The following LRP1B variants were observed in gnomAD, a reference collection of about 807,000 sequenced individuals.
LRP1B encodes low-density lipoprotein receptor-related protein 1B.
In LRP1B, 217 loss-of-function variants were observed where a neutral mutation model predicts 556.6. That is an observed-to-expected ratio of 0.39 (90% CI 0.35 to 0.44). The LOEUF (loss-of-function observed/expected upper bound fraction) is 0.44. Ranked by LOEUF, LRP1B falls within the 20% of genes least tolerant of loss-of-function variation. LRP1B has a pLI of 1.00. For missense variants in LRP1B, 5,053 were observed against 5,620.8 expected (o/e 0.90, Z 3.23); for synonymous variants, 2,047 against 1,865.8 (o/e 1.10, Z -2.50).
rs12465825 is a variant in LRP1B, at chr2:140,930,137, A to G, written c.3137-6990T>C. On this transcript the variant is annotated intron_variant, in intron 20 of 90. Transcript: ENST00000389484. The stretch of plus-strand genomic sequence containing the variant: ...GGCTTGGCACACAATCTATCTTTGT[A>G]ATAGATAGCCGTTGGACTTGTCCCA... Among the ~76,000 whole-genome samples the G allele has an allele frequency of 2.5e-3, 386 of 152,192 alleles. 2 individuals carry two copies. The highest frequency in any genetic ancestry group is 0.02 in the Middle Eastern group (6 of 294).
chr2:141,999,767 A>G (rs1463263199), intron 1 of LRP1B, among the ~76,000 whole-genome samples: 1 of 151,922 alleles, frequency 6.6e-6, no homozygotes, highest in African/African-American at 2.4e-5. Context: ...ATCATATGAA[A>G]ACCAATTCTA....
intron 11 of LRP1B, among the ~76,000 whole-genome samples, chr2:141,020,481 T>C (rs1195965329): frequency 6.6e-6 from 1 of 152,062 alleles, no homozygotes; most frequent in African/African-American, 2.4e-5. Flanking sequence ...ATGTAGACTG[T>C]TCTGAAGAAA....
chr2:140,816,644 C>T lies in LRP1B; in HGVS notation c.5210-2838G>A, dbSNP rs561920436. On this transcript the variant is annotated intron_variant, in intron 31 of 90. Coordinates refer to ENST00000389484, the MANE Select transcript of LRP1B (RefSeq NM_018557.3). ...ATGATGCATATCACATAACTCCCTC[C>T]ATATATCTTCTTTCCTGTTAAGTAT... 8.5e-5 allele frequency among the ~76,000 whole-genome samples: 13 copies of T among 152,098 alleles called. No homozygotes were observed. In the East Asian group the frequency reaches 2.5e-3, roughly 29 times the overall value.
intron 43 of LRP1B, among the ~76,000 whole-genome samples, chr2:140,596,497 C>T (rs1682446065): frequency 6.6e-6 from 1 of 152,080 alleles, no homozygotes; most frequent in Admixed American, 6.5e-5. Flanking sequence ...CGTAAATCAG[C>T]AGAACTTCAA....
intron 35 of LRP1B, among the ~76,000 whole-genome samples, chr2:140,746,680 C>T (rs1223322520): frequency 6.6e-6 from 1 of 152,054 alleles, no homozygotes. Context: ...AGTTTGAGCA[C>T]TTAATTTCTC....
chr2:141,726,048 A>G (rs1044567056), intron 2 of LRP1B, among the ~76,000 whole-genome samples: 1 of 151,690 alleles, frequency 6.6e-6, no homozygotes, highest in Non-Finnish European at 1.5e-5. Flanking sequence ...TTTATTATAA[A>G]AAATGTGATT....
At chr2:140,714,865 C>A (rs546177568) in intron 37 of LRP1B, among the ~76,000 whole-genome samples, 3 of 152,028 alleles carry the variant, frequency 2.0e-5, no homozygotes, top group African/African-American at 7.2e-5. Context: ...CAAACAAGAA[C>A]ACGTACAGCT....
At chr2:141,802,536 G>A (rs892988666) in intron 2 of LRP1B, among the ~76,000 whole-genome samples, 7 of 152,038 alleles carry the variant, frequency 4.6e-5, no homozygotes, top group African/African-American at 1.7e-4. Context: ...TTAATAAACT[G>A]ATGAGATGCT....
intron 3 of LRP1B, among the ~76,000 whole-genome samples, chr2:141,432,901 C>G (rs1241252769): frequency 2.0e-5 from 3 of 151,940 alleles, no homozygotes; most frequent in African/African-American, 7.2e-5. Context: ...AATTTCCACT[C>G]TAGTCTGTAG....
intron 11 of LRP1B, among the ~76,000 whole-genome samples, chr2:141,029,558 A>T (rs1032318338): frequency 6.6e-6 from 1 of 152,138 alleles, no homozygotes; most frequent in Admixed American, 6.6e-5. Context: ...TGCTGTTTGC[A>T]TAATGCCGGC....
intron 2 of LRP1B, among the ~76,000 whole-genome samples, chr2:141,506,078 AGAG>A (rs1683925340): frequency 2.0e-5 from 3 of 152,084 alleles, no homozygotes; most frequent in Non-Finnish European, 4.4e-5. Context: ...TAGACAAACG[AGAG>A]GAGAAAACTC....
intron 2 of LRP1B, among the ~76,000 whole-genome samples, chr2:141,612,504 A>G (rs184079974): frequency 1.3e-5 from 2 of 152,316 alleles, no homozygotes; most frequent in Admixed American, 1.3e-4. Context: ...AATATTTATA[A>G]TAACACTTGA....
chr2:141,300,332 C>T (rs1322377701), intron 3 of LRP1B, among the ~76,000 whole-genome samples: 1 of 152,110 alleles, frequency 6.6e-6, no homozygotes, highest in African/African-American at 2.4e-5. Flanking sequence ...AAAATTTTAA[C>T]CCTCGATTCA....
At chr2:141,876,630 A>AT (rs143169285) in intron 1 of LRP1B, among the ~76,000 whole-genome samples, 1 of 151,834 alleles carries the variant, frequency 6.6e-6, no homozygotes, top group African/African-American at 2.4e-5. Flanking sequence ...ATTACCACTC[A>AT]TTTTTTTATA....
rs541817690 is a variant in LRP1B at position 141,242,097 on chromosome 2, C to T, written c.592+5129G>A. Reference sequence around the variant, plus strand: ...TATGTTACCCTTCCTAAGAATAGATCTTAATATGAGATGCTTTAATAAAAG... The same window carrying T: ...TATGTTACCCTTCCTAAGAATAGATTTTAATATGAGATGCTTTAATAAAAG... On this transcript the variant is annotated intron_variant, in intron 5 of 90. Coordinates refer to ENST00000389484, the MANE Select transcript of LRP1B (RefSeq NM_018557.3). 3.3e-5 allele frequency among the ~76,000 whole-genome samples: 5 copies of T among 152,028 alleles called. No individual in the cohort carries two copies. The South Asian group carries it at 1.0e-3, about 32-fold the overall frequency.
intron 32 of LRP1B, among the ~76,000 whole-genome samples, chr2:140,799,032 A>AT (rs1469858714): frequency 6.6e-6 from 1 of 152,208 alleles, no homozygotes; most frequent in Non-Finnish European, 1.5e-5. Context: ...GTGGTTAAAA[A>AT]ATATATAATT....
chr2:141,004,385 G>T (rs557005596), intron 15 of LRP1B, among the ~76,000 whole-genome samples: 9 of 152,084 alleles, frequency 5.9e-5, no homozygotes, highest in African/African-American at 2.2e-4. Context: ...CCTGTCACAG[G>T]CAAAATAAAC....
intron 1 of LRP1B, among the ~76,000 whole-genome samples, chr2:141,896,619 G>A (rs1248798860): frequency 6.6e-6 from 1 of 152,008 alleles, no homozygotes; most frequent in African/African-American, 2.4e-5. Context: ...TGCAATGTAT[G>A]GTACCAGAAC....
intron 2 of LRP1B, among the ~76,000 whole-genome samples, chr2:141,585,422 C>CGTGTGT (rs3041302): frequency 0.05 from 6,483 of 129,154 alleles, 200 homozygotes; most frequent in South Asian, 0.075. Context: ...CTGAAATAAT[C>CGTGTGT]GTGTGTGTGT....
Sources: allele counts gnomAD v4.1 joint callset (sites outside exome capture counted in the v4.1 genomes callset), GRCh38; gene constraint gnomAD v4.1.1; transcripts MANE v1.5; gene names NCBI Gene and HGNC (gene_info 2026-07-23, HGNC 2026-07-21).